DPP6: variants seen among roughly 807,000 people sequenced by gnomAD.
DPP6 encodes dipeptidyl peptidase like 6.
A neutral mutation model predicts 122.6 loss-of-function variants in DPP6; 69 were observed. The ratio of observed to expected loss-of-function variants is 0.56; its 90% CI spans 0.46 to 0.69. DPP6 has a LOEUF of 0.69. Ranked by LOEUF, DPP6 falls within the 30% of genes least tolerant of loss-of-function variation. The pLI, the probability that DPP6 is intolerant of heterozygous loss-of-function variation, is 0.00. For synonymous variants in DPP6, 418 were observed against 433.1 expected (o/e 0.97, Z 0.43); for missense variants, 928 against 1,116.9 (o/e 0.83, Z 2.41).
intron 1 of DPP6, among the ~76,000 whole-genome samples, chr7:154,354,087 C>A (rs1361630490): frequency 6.6e-6 from 1 of 152,160 alleles, no homozygotes; most frequent in East Asian, 1.9e-4. Context: ...TGTGCACCAG[C>A]CCTGGCTCCG....
intron 1 of DPP6, among the ~76,000 whole-genome samples, chr7:154,351,315 G>A (rs1208561926): frequency 1.3e-5 from 2 of 152,004 alleles, no homozygotes; most frequent in Admixed American, 1.3e-4. Flanking sequence ...CAGCTTCACT[G>A]ATCACCCCAT....
At chr7:153,860,178 A>G in the DPP6 span, among the ~76,000 whole-genome samples, 1 of 152,134 alleles carries the variant, frequency 6.6e-6, no homozygotes, top group South Asian at 2.1e-4. Context: ...CGAGATTTAA[A>G]AGTACACCAC....
chr7:154,612,662 A>G (rs1269851144), intron 5 of DPP6, among the ~76,000 whole-genome samples: 1 of 152,218 alleles, frequency 6.6e-6, no homozygotes, highest in African/African-American at 2.4e-5. Context: ...ATTCTTGTCT[A>G]TGAATTCAAC....
At chr7:154,426,282 T>A (rs1324395733) in intron 1 of DPP6, among the ~76,000 whole-genome samples, 5 of 152,206 alleles carry the variant, frequency 3.3e-5, no homozygotes, top group Non-Finnish European at 7.3e-5. Context: ...GGCTTTTTAT[T>A]GTAGTATTGA....
chr7:154,638,928 G>A (rs987946132), intron 6 of DPP6, among the ~76,000 whole-genome samples: 14 of 152,136 alleles, frequency 9.2e-5, no homozygotes, highest in Non-Finnish European at 2.9e-5. Flanking sequence ...GCAAAGGTGA[G>A]GTGCTCAGGA....
chr7:154,426,655 A>G (rs1483406284), intron 1 of DPP6, among the ~76,000 whole-genome samples: 3 of 152,066 alleles, frequency 2.0e-5, no homozygotes, highest in African/African-American at 7.2e-5. Flanking sequence ...TATTCTCCAG[A>G]GGGGCAAACC....
intron 1 of DPP6, among the ~76,000 whole-genome samples, chr7:153,969,227 G>A (rs1795900338): frequency 6.7e-6 from 1 of 150,172 alleles, no homozygotes; most frequent in Admixed American, 6.6e-5. Flanking sequence ...CCCAGGTGGT[G>A]AGTATAGCTC....
At chr7:154,837,317 A>G (rs1382680960) in intron 16 of DPP6, among the ~76,000 whole-genome samples, 1 of 151,042 alleles carries the variant, frequency 6.6e-6, no homozygotes, top group East Asian at 1.9e-4. Flanking sequence ...GCACACAAAC[A>G]CATGCACACA....
At chr7:154,103,963 CTCTT>C (rs1805950128) in intron 1 of DPP6, among the ~76,000 whole-genome samples, 1 of 152,216 alleles carries the variant, frequency 6.6e-6, no homozygotes. Context: ...ACCGGCTTCT[CTCTT>C]CCCCAGCTTG....
the DPP6 span, among the ~76,000 whole-genome samples, chr7:153,865,700 G>A: frequency 2.0e-5 from 3 of 151,802 alleles, no homozygotes; most frequent in Admixed American, 6.6e-5. Flanking sequence ...TGTGCACAAC[G>A]TGCACGTTTG....
intron 1 of DPP6, among the ~76,000 whole-genome samples, chr7:154,277,796 G>T (rs1310329895): frequency 6.6e-6 from 1 of 152,096 alleles, no homozygotes; most frequent in Non-Finnish European, 1.5e-5. Flanking sequence ...AGGAGAAGAG[G>T]AAAGTAGTCT....
At chr7:154,123,797 G>A (rs1372598417) in intron 1 of DPP6, among the ~76,000 whole-genome samples, 1 of 116,006 alleles carries the variant, frequency 8.6e-6, no homozygotes, top group Non-Finnish European at 2.0e-5. Context: ...CAAATGTGCC[G>A]CTCGCTCACG....
intron 1 of DPP6, among the ~76,000 whole-genome samples, chr7:154,091,214 A>G (rs1479324247): frequency 1.3e-5 from 2 of 152,154 alleles, no homozygotes; most frequent in African/African-American, 4.8e-5. Context: ...TGAAGGGAAC[A>G]GGAAAGAAAC....
chr7:153,976,679 G>T (rs1209341175), intron 1 of DPP6, among the ~76,000 whole-genome samples: 1 of 152,192 alleles, frequency 6.6e-6, no homozygotes, highest in Non-Finnish European at 1.5e-5. Context: ...GGAAGAAAAT[G>T]AATATTTTCA....
At chr7:154,846,501 T>A (rs1372675936) in intron 16 of DPP6, among the ~76,000 whole-genome samples, 1 of 152,198 alleles carries the variant, frequency 6.6e-6, no homozygotes. Context: ...GCTTCCTTGT[T>A]TCACACCATT....
At chr7:154,056,691 T>C (rs576460809) in intron 1 of DPP6, among the ~76,000 whole-genome samples, 2 of 152,316 alleles carry the variant, frequency 1.3e-5, no homozygotes, top group East Asian at 1.9e-4. Flanking sequence ...CCACCAGCCT[T>C]GGAAGGGCCA....
intron 5 of DPP6, among the ~76,000 whole-genome samples, chr7:154,613,448 C>G (rs149519074): frequency 6.6e-6 from 1 of 151,338 alleles, no homozygotes; most frequent in Non-Finnish European, 1.5e-5. Context: ...GGTGAAACCC[C>G]GTCTCTACTG....
chr7:154,316,999 T>C (rs10952473), intron 1 of DPP6, among the ~76,000 whole-genome samples: 89,108 of 151,934 alleles, frequency 0.59, 26,606 homozygotes, highest in South Asian at 0.67. Context: ...CTGTTACCAG[T>C]ATGGTAATTA....
chr7:154,236,784 G>A (rs1370740625), intron 1 of DPP6, among the ~76,000 whole-genome samples: 1 of 152,084 alleles, frequency 6.6e-6, no homozygotes, highest in African/African-American at 2.4e-5. Flanking sequence ...TAATAACTTT[G>A]CTTTCTATTG....
Sources: gnomAD v4.1 joint callset for allele counts (sites outside exome capture counted in the v4.1 genomes callset) on GRCh38, gnomAD v4.1.1 for gene constraint, MANE v1.5 for transcripts, NCBI Gene and HGNC (gene_info 2026-07-23, HGNC 2026-07-21) for gene names.